Variants in ITPA observed in about 807,000 individuals in gnomAD.
ITPA encodes inosine triphosphatase, also known as inosine triphosphate pyrophosphatase.
ITPA carries 29 observed loss-of-function variants against 29.6 expected under a neutral mutation model. That is an observed-to-expected ratio of 0.98 (90% CI 0.73 to 1.34). The LOEUF (loss-of-function observed/expected upper bound fraction) is 1.34. ITPA is among the 40% of genes most tolerant of loss of function. The pLI, the probability that ITPA is intolerant of heterozygous loss-of-function variation, is 0.00. For missense variants in ITPA, 241 were observed against 251.5 expected, an observed-to-expected ratio of 0.96 and a Z score of 0.28; for synonymous variants, 103 against 99.3, an observed-to-expected ratio of 1.04 and a Z score of -0.22.
upstream of ITPA, chr20:3,209,263 G>A (rs1231948357): frequency 4.0e-6 from 2 of 494,372 alleles, no homozygotes; most frequent in Non-Finnish European, 7.4e-6. This position sits in a 1 kb window ranked among gnomAD's most constrained non-coding sequence, Gnocchi z 4.6. Context: ...AAGCAGGGGC[G>A]GGGTGGGGGT....
downstream of ITPA, chr20:3,227,309 A>C (rs185458286): frequency 1.6e-4 from 35 of 218,852 alleles, no homozygotes; most frequent in East Asian, 3.6e-3. Context: ...GTGACAGACC[A>C]CAGGTGGCAC....
chr20:3,215,099 TC>T (rs1443339008), intron 4 of ITPA, 181 bp from the exon 5 acceptor site: 1 of 633,902 alleles, frequency 1.6e-6, no homozygotes, highest in East Asian at 2.8e-5. Context: ...ACTCCTGAGC[TC>T]AAGCGATCCG....
intron 1 of ITPA, among the ~76,000 whole-genome samples, chr20:3,211,166 C>CTT (rs369449246): frequency 0.091 from 12,774 of 140,194 alleles, 706 homozygotes; most frequent in East Asian, 0.17. Context: ...AACAGGTAGT[C>CTT]TTTTTTTTTT....
upstream of ITPA, among the ~76,000 whole-genome samples, chr20:3,204,130 A>C (rs376332272): frequency 1.6e-4 from 25 of 152,044 alleles, no homozygotes; most frequent in African/African-American, 5.8e-4. Context: ...CAGGCAGAAA[A>C]TATTCAGATG....
chr20:3,209,396 G>C, upstream of ITPA: 1 of 747,556 alleles, frequency 1.3e-6, no homozygotes. The surrounding 1 kb of genome is among the most constrained non-coding windows in gnomAD (Gnocchi z 4.6). Context: ...GCCACCGCGA[G>C]CCCACTCGCC....
At chr20:3,211,822 T>C (rs148219956) in intron 1 of ITPA, among the ~76,000 whole-genome samples, 2 of 152,250 alleles carry the variant, frequency 1.3e-5, no homozygotes, top group East Asian at 3.9e-4. Flanking sequence ...TGGTATGCCA[T>C]TGGCAGACTG....
intron 1 of ITPA, among the ~76,000 whole-genome samples, chr20:3,212,862 T>A (rs6084305): frequency 0.41 from 62,969 of 151,960 alleles, 13,470 homozygotes; most frequent in South Asian, 0.6. Flanking sequence ...GTATCTTCTG[T>A]TAGAGAATTC....
chr20:3,221,820 G>A lies in ITPA; in HGVS notation c.412-21G>A, dbSNP rs752987546. 3 of 1,613,220 alleles carry A rather than the reference G, an allele frequency of 1.9e-6. No individual in the cohort carries two copies. The South Asian group carries it at 3.3e-5, about 18-fold the overall frequency. On this transcript the variant is annotated intron_variant, in intron 6 of 7. Coordinates refer to ENST00000380113, the MANE Select transcript of ITPA (RefSeq NM_033453.4). Reference sequence around the variant, plus strand: ...GTCCTCTGGACCCAGTTACACACCTGTCCCCCCTTTCCTGTGGCAGGGCCG... The same window carrying A: ...GTCCTCTGGACCCAGTTACACACCTATCCCCCCTTTCCTGTGGCAGGGCCG...
At chr20:3,216,435 G>A (rs551074637) in intron 5 of ITPA, among the ~76,000 whole-genome samples, 115 of 150,190 alleles carry the variant, frequency 7.7e-4, no homozygotes, top group African/African-American at 2.8e-3. Flanking sequence ...TGGGATTACA[G>A]GTGTGAGTTA....
At chr20:3,206,091 A>T (rs1342627296), upstream of ITPA, among the ~76,000 whole-genome samples, 1 of 149,788 alleles carries the variant, frequency 6.7e-6, no homozygotes, top group Non-Finnish European at 1.5e-5. Context: ...AAAGAAAAAG[A>T]AAAAGAAAAA....
At chr20:3,206,800 C>G (rs545731894), upstream of ITPA, among the ~76,000 whole-genome samples, 149 of 149,784 alleles carry the variant, frequency 9.9e-4, 1 homozygote, top group Non-Finnish European at 1.3e-3. Flanking sequence ...CACTGCACTC[C>G]AGCCTGGGCG....
downstream of ITPA, among the ~76,000 whole-genome samples, chr20:3,224,594 G>C (rs1329010039): frequency 1.3e-5 from 2 of 152,230 alleles, no homozygotes; most frequent in African/African-American, 4.8e-5. Flanking sequence ...TCCCCAGGAG[G>C]TGCTGCGTCC....
At chr20:3,220,501 A>T (rs148597767) in intron 6 of ITPA, among the ~76,000 whole-genome samples, 1 of 152,080 alleles carries the variant, frequency 6.6e-6, no homozygotes, top group Admixed American at 6.6e-5. Context: ...CTTGGCATCT[A>T]TGTGACTAAT....
intron 3 of ITPA, 39 bp downstream of exon 3, chr20:3,213,422 T>C (rs2067219396): frequency 6.2e-7 from 1 of 1,612,244 alleles, no homozygotes; most frequent in African/African-American, 1.3e-5. Context: ...GCTCTTCTTG[T>C]CCAGGTAGCT....
At chr20:3,224,396 A>T (rs2067536619), downstream of ITPA, among the ~76,000 whole-genome samples, 1 of 151,994 alleles carries the variant, frequency 6.6e-6, no homozygotes, top group African/African-American at 2.4e-5. Flanking sequence ...GCTCAACCCC[A>T]AGGATATTCA....
rs761555605 is a variant in ITPA, at chr20:3,213,205, T to C, written c.103T>C (p.Leu35=). 1.9e-5 allele frequency: 31 copies of C among 1,614,192 alleles called. No individual in the cohort carries two copies. In the South Asian group the frequency reaches 3.4e-4, roughly 18 times the overall value. Residue 35 remains leucine (L), a synonymous_variant, in exon 2 of 8, where the codon TTG becomes CTG. Coordinates refer to ENST00000380113, the MANE Select transcript of ITPA (RefSeq NM_033453.4). The part of the protein sequence containing the change: ...QILGDKFPCT[L]VAQKIDLPEY... ...TCTAGGAGATAAGTTTCCATGCACT[T>C]TGGTGGCACAGAAAATTGACCGTAT...
At position 3,209,528 on chromosome 20, in the gene ITPA, T is replaced by C; in HGVS notation, c.-24T>C. On this transcript the variant is annotated 5_prime_UTR_variant, in exon 1 of 8. Transcript: ENST00000380113. The surrounding 1 kb of genome is among the most constrained non-coding windows in gnomAD (Gnocchi z 4.6). The stretch of plus-strand genomic sequence containing the variant: ...TGGACGCCAAGGAGTTTTCGGTGGC[T>C]CAGCTGGGTAACCGGGGATCACCAT... 1.2e-6 allele frequency: 2 copies of C among 1,612,522 alleles called. No individual in the cohort carries two copies. The highest frequency in any genetic ancestry group is 1.7e-6 in the Non-Finnish European group (2 of 1,178,642).
intron 1 of ITPA, 101 bp from the exon 2 acceptor site, chr20:3,213,068 A>G: frequency 8.0e-7 from 1 of 1,245,310 alleles, no homozygotes; most frequent in South Asian, 1.2e-5. Context: ...GCTTTAGGAG[A>G]TGGGCAGCAG....
upstream of ITPA, chr20:3,204,636 C>T (rs1184313193): frequency 1.0e-5 from 16 of 1,574,296 alleles, no homozygotes; most frequent in Non-Finnish European, 1.4e-5. Flanking sequence ...ATGACGAGGG[C>T]CTCAGTGCAG....
Sources: gnomAD v4.1 joint callset for allele counts (sites outside exome capture counted in the v4.1 genomes callset) on GRCh38, gnomAD v4.1.1 for gene constraint, Gnocchi (gnomAD v3.1) non-coding constraint, MANE v1.5 for transcripts, NCBI Gene and HGNC (gene_info 2026-07-23, HGNC 2026-07-21) for gene names.